Variants in CTIF observed in about 807,000 individuals in gnomAD.
CTIF encodes cap binding complex dependent translation initiation factor.
A neutral mutation model predicts 66.0 loss-of-function variants in CTIF; 21 were observed. The observed-to-expected ratio is 0.32, with a 90% CI of 0.23 to 0.46. The LOEUF is 0.46. Among genes scored for constraint, CTIF ranks in the 20% least tolerant of loss-of-function variants. The pLI is 1.00. For missense variants in CTIF, 739 were observed against 812.7 expected (o/e 0.91, Z 1.10); for synonymous variants, 345 against 326.4 (o/e 1.06, Z -0.62).
At chr18:48,780,005 G>A (rs921832814) in intron 9 of CTIF, among the ~76,000 whole-genome samples, 3 of 152,180 alleles carry the variant, frequency 2.0e-5, no homozygotes, top group African/African-American at 7.2e-5. Flanking sequence ...CCCATGACAG[G>A]TTCCAGCAGC....
intron 6 of CTIF, among the ~76,000 whole-genome samples, chr18:48,685,223 T>G (rs1025427415): frequency 6.6e-6 from 1 of 152,062 alleles, no homozygotes; most frequent in African/African-American, 2.4e-5. Flanking sequence ...TGAGTTTGTG[T>G]ACTTTTTTTT....
intron 2 of CTIF, 125 bp downstream of exon 2, chr18:48,619,870 G>C: frequency 1.1e-6 from 1 of 944,368 alleles, no homozygotes. Context: ...GTCCCACCCA[G>C]CAGAGCACCC....
At chr18:48,603,475 A>G (rs1202626473) in intron 1 of CTIF, among the ~76,000 whole-genome samples, 1 of 52,182 alleles carries the variant, frequency 1.9e-5, no homozygotes, top group Non-Finnish European at 4.2e-5. Flanking sequence ...GGATGGCTAG[A>G]TGGGTGGGTG....
intron 7 of CTIF, among the ~76,000 whole-genome samples, chr18:48,724,383 C>T (rs2092367655): frequency 6.6e-6 from 1 of 152,184 alleles, no homozygotes; most frequent in Non-Finnish European, 1.5e-5. Flanking sequence ...TACCCTCCCA[C>T]CCACTGTCTT....
At chr18:48,544,706 G>A (rs1006475298) in intron 1 of CTIF, among the ~76,000 whole-genome samples, 1 of 152,174 alleles carries the variant, frequency 6.6e-6, no homozygotes, top group African/African-American at 2.4e-5. Context: ...CTGGGGCAAT[G>A]GCCCAAAAAT....
intron 7 of CTIF, among the ~76,000 whole-genome samples, chr18:48,717,402 AAAATAAAT>A (rs145983579): frequency 0.024 from 3,539 of 144,906 alleles, 66 homozygotes; most frequent in African/African-American, 0.056. Context: ...CTGTCTTTAA[AAAATAAAT>A]AAATAAATAA....
intron 7 of CTIF, among the ~76,000 whole-genome samples, chr18:48,730,996 G>C (rs4076476): frequency 0.71 from 107,623 of 152,000 alleles, 38,322 homozygotes; most frequent in East Asian, 0.82. Context: ...GGGGCAGTTG[G>C]GGGAGAAGAG....
intron 7 of CTIF, among the ~76,000 whole-genome samples, chr18:48,746,173 G>A (rs535741488): frequency 3.9e-5 from 6 of 152,284 alleles, no homozygotes; most frequent in African/African-American, 9.6e-5. Flanking sequence ...TTTGCTTCAC[G>A]TAGGGGCCTT....
Position 48,761,283 on chromosome 18 carries a change from G to A in CTIF, c.1072-107G>A, listed in dbSNP as rs1908956972. 1 of 1,046,836 alleles carries A rather than the reference G, an allele frequency of 9.6e-7. No homozygotes were observed. Among genetic ancestry groups the A allele is most frequent in the Non-Finnish European group, 1.4e-6 (1 of 718,492 alleles). The allele number at this position is 1,046,836 out of a possible 1,614,324, so 64.8% of individuals were successfully genotyped here. On this transcript the variant is annotated intron_variant, in intron 8 of 11. Transcript: ENST00000256413. This position sits in a 1 kb window ranked among gnomAD's most constrained non-coding sequence, Gnocchi z 4.2. ...ACCAGCCCTCAGATCCAGGGAAGTA[G>A]GCCTGGTCCTGCTTTCTGGGGGTGG...
chr18:48,619,604 A>G lies in CTIF; in HGVS notation c.39A>G (p.Ala13=). The G allele has an allele frequency of 6.3e-7, 1 of 1,598,986 alleles. No individual in the cohort carries two copies. The highest frequency in any genetic ancestry group is 1.1e-5 in the South Asian group (1 of 88,198). Residue 13 remains alanine, a synonymous_variant, in exon 2 of 12, where the codon GCA becomes GCG. Coordinates refer to ENST00000256413, the MANE Select transcript of CTIF (RefSeq NM_014772.3). The part of the protein sequence containing the change: ...NSSAASASSE[A]GSSRSQEIEE... ...CTGCAGCATCAGCCTCCTCGGAGGCAGGGAGCAGCCGCTCCCAGGAGATCG... is the reference window on the plus strand; with the variant it reads ...CTGCAGCATCAGCCTCCTCGGAGGCGGGGAGCAGCCGCTCCCAGGAGATCG...
chr18:48,740,164 A>G (rs780095343), intron 7 of CTIF, among the ~76,000 whole-genome samples: 14 of 152,334 alleles, frequency 9.2e-5, no homozygotes, highest in Non-Finnish European at 1.0e-4. Flanking sequence ...GCAGGCTGCC[A>G]TAGAGTCCAG....
intron 1 of CTIF, among the ~76,000 whole-genome samples, chr18:48,594,836 G>A (rs73443308): frequency 0.034 from 5,134 of 152,288 alleles, 278 homozygotes; most frequent in African/African-American, 0.11. Flanking sequence ...CACCTGGTGC[G>A]TTCAGTCAGG....
intron 10 of CTIF, among the ~76,000 whole-genome samples, chr18:48,827,328 G>A (rs2068602133): frequency 6.6e-6 from 1 of 152,216 alleles, no homozygotes; most frequent in Non-Finnish European, 1.5e-5. Context: ...AACTAAATCT[G>A]GAGCAGTCTC....
intron 6 of CTIF, among the ~76,000 whole-genome samples, chr18:48,695,185 T>C (rs1480241522): frequency 6.6e-6 from 1 of 152,228 alleles, no homozygotes; most frequent in African/African-American, 2.4e-5. Context: ...ACCTTGTAAA[T>C]GTATGCATTC....
chr18:48,602,598 G>T (rs553078434), intron 1 of CTIF, among the ~76,000 whole-genome samples: 17 of 152,208 alleles, frequency 1.1e-4, no homozygotes, highest in Admixed American at 1.0e-3. Context: ...TCATTTTTCT[G>T]TCAAGTGGAG....
chr18:48,552,956 A>G (rs1264525877), intron 1 of CTIF, among the ~76,000 whole-genome samples: 1 of 152,184 alleles, frequency 6.6e-6, no homozygotes, highest in Non-Finnish European at 1.5e-5. Flanking sequence ...ATATAATACT[A>G]AAGTCTCTGA....
chr18:48,619,095 C>T (rs933455153), intron 1 of CTIF, among the ~76,000 whole-genome samples: 1 of 152,212 alleles, frequency 6.6e-6, no homozygotes, highest in African/African-American at 2.4e-5. Context: ...CTGAGCCCCT[C>T]AGAGGTTTGT....
At chr18:48,755,073 G>T (rs1908219572) in intron 7 of CTIF, among the ~76,000 whole-genome samples, 1 of 152,208 alleles carries the variant, frequency 6.6e-6, no homozygotes, top group Non-Finnish European at 1.5e-5. Context: ...TGTTGGGAAG[G>T]GCTTGGTCAA....
intron 4 of CTIF, 144 bp from the exon 5 acceptor site, chr18:48,664,303 C>T: frequency 2.9e-6 from 2 of 698,666 alleles, no homozygotes; most frequent in Non-Finnish European, 5.0e-6. Flanking sequence ...CCTGGGGCTC[C>T]ATTCTGAGTG....
Sources: allele counts gnomAD v4.1 joint callset (sites outside exome capture counted in the v4.1 genomes callset), GRCh38; gene constraint gnomAD v4.1.1; non-coding constraint Gnocchi (gnomAD v3.1); transcripts MANE v1.5; gene names NCBI Gene and HGNC (gene_info 2026-07-23, HGNC 2026-07-21).